The following KIAA1217 variants were observed in gnomAD, a reference collection of about 807,000 sequenced individuals.
The protein encoded by KIAA1217 is KIAA1217.
A neutral mutation model predicts 163.9 loss-of-function variants in KIAA1217; 88 were observed. The observed-to-expected ratio is 0.54, with a 90% CI of 0.45 to 0.64. KIAA1217 has a LOEUF of 0.64. Ranked by LOEUF, KIAA1217 falls within the 30% of genes least tolerant of loss-of-function variation. The pLI is 0.00. For missense variants in KIAA1217, 2,372 were observed against 2,475.0 expected (o/e 0.96, Z 0.88); for synonymous variants, 903 against 923.1 (o/e 0.98, Z 0.39).
chr10:24,534,572 C>G (rs1421520596), intron 16 of KIAA1217, among the ~76,000 whole-genome samples: 1 of 152,010 alleles, frequency 6.6e-6, no homozygotes, highest in Non-Finnish European at 1.5e-5. Context: ...ATGTCATATT[C>G]TTGGTGGTTA....
chr10:24,270,877 T>A (rs1453877554), intron 2 of KIAA1217, among the ~76,000 whole-genome samples: 1 of 152,108 alleles, frequency 6.6e-6, no homozygotes, highest in Admixed American at 6.6e-5. Flanking sequence ...TATTTGGGAG[T>A]AACTGTGGAA....
intron 1 of KIAA1217, among the ~76,000 whole-genome samples, chr10:23,920,770 G>C (rs1842821214): frequency 6.6e-6 from 1 of 152,226 alleles, no homozygotes; most frequent in African/African-American, 2.4e-5. Context: ...CAGCTGATAT[G>C]GCCTGGCTGT....
At chr10:24,087,525 C>A (rs2061740482) in intron 2 of KIAA1217, among the ~76,000 whole-genome samples, 2 of 152,192 alleles carry the variant, frequency 1.3e-5, no homozygotes, top group South Asian at 4.1e-4. Flanking sequence ...CAGGTTTTCT[C>A]TGCTCACAGA....
chr10:24,130,266 A>G (rs552162239), intron 2 of KIAA1217, among the ~76,000 whole-genome samples: 29 of 152,300 alleles, frequency 1.9e-4, no homozygotes, highest in South Asian at 1.7e-3. Context: ...CTCCTGGGCT[A>G]CTGGGTTATT....
chr10:23,820,540 A>G (rs937856132), intron 1 of KIAA1217, among the ~76,000 whole-genome samples: 3 of 152,246 alleles, frequency 2.0e-5, no homozygotes, highest in Non-Finnish European at 4.4e-5. Flanking sequence ...ATTAAACCAG[A>G]AAACATTTTT....
At chr10:24,410,530 A>T (rs114776686) in intron 3 of KIAA1217, among the ~76,000 whole-genome samples, 2,605 of 152,218 alleles carry the variant, frequency 0.017, 70 homozygotes, top group African/African-American at 0.06. Flanking sequence ...CAGTAATGAT[A>T]CCCATTTACA....
chr10:24,204,135 G>A (rs1400693474), upstream of KIAA1217, among the ~76,000 whole-genome samples: 2 of 152,228 alleles, frequency 1.3e-5, no homozygotes, highest in Admixed American at 1.3e-4. Context: ...AATTTGTGTG[G>A]AGTAGCAGGA....
chr10:24,463,900 G>A (rs1020725235), intron 5 of KIAA1217, among the ~76,000 whole-genome samples: 1 of 152,194 alleles, frequency 6.6e-6, no homozygotes, highest in Non-Finnish European at 1.5e-5. Context: ...GAAGAGGAAC[G>A]TAGTAATGGC....
At chr10:24,161,904 T>C (rs2065138283) in intron 2 of KIAA1217, among the ~76,000 whole-genome samples, 1 of 152,202 alleles carries the variant, frequency 6.6e-6, no homozygotes, top group Non-Finnish European at 1.5e-5. Context: ...GGATAAGAAA[T>C]GATACGAGCT....
chr10:24,108,783 A>G (rs937011899), intron 2 of KIAA1217, among the ~76,000 whole-genome samples: 2 of 152,204 alleles, frequency 1.3e-5, no homozygotes, highest in Admixed American at 6.5e-5. Context: ...ATAATAAATA[A>G]TGAATGATTG....
rs1012125050 is a variant in KIAA1217 at position 23,726,979 on chromosome 10, C to CTTTTTTTTTTTT, written c.-321+31760_-321+31771dup. On this transcript the variant is annotated intron_variant, in intron 1 of 18. Transcript: ENST00000376462. ...ATTTCCATGCCATTTGTATAGGCCTCTTTTTTTTTTTTTTTTTTTTTTTTT... is the reference window on the plus strand; with the variant it reads ...ATTTCCATGCCATTTGTATAGGCCTCTTTTTTTTTTTTTTTTTTTTTTTTTTTTTTTTTTTTT... 1.9e-3 allele frequency among the ~76,000 whole-genome samples: 182 copies of CTTTTTTTTTTTT among 93,414 alleles called. 24 individuals carry two copies. The highest frequency in any genetic ancestry group is 8.4e-3 in the African/African-American group (174 of 20,684). 61.3% of individuals were successfully genotyped at this position (93,414 alleles called of 152,430 possible).
At chr10:24,097,573 C>T (rs542264249) in intron 2 of KIAA1217, among the ~76,000 whole-genome samples, 11 of 150,640 alleles carry the variant, frequency 7.3e-5, no homozygotes, top group South Asian at 4.2e-4. Context: ...GAGAGGAAGG[C>T]GAAAAGAAAA....
chr10:24,201,677 C>T (rs1292815272), intron 2 of KIAA1217, among the ~76,000 whole-genome samples: 1 of 152,144 alleles, frequency 6.6e-6, no homozygotes, highest in Non-Finnish European at 1.5e-5. Context: ...CAGAAGTCCC[C>T]ACCCTGCCCT....
intron 2 of KIAA1217, among the ~76,000 whole-genome samples, chr10:24,021,406 A>T (rs1456615624): frequency 6.6e-6 from 1 of 151,958 alleles, no homozygotes; most frequent in South Asian, 2.1e-4. Flanking sequence ...TATACACATG[A>T]TCTTTATCTG....
intron 2 of KIAA1217, among the ~76,000 whole-genome samples, chr10:24,297,854 G>A (rs1000582558): frequency 2.6e-5 from 4 of 151,868 alleles, no homozygotes; most frequent in African/African-American, 4.8e-5. Context: ...TCACATCAAG[G>A]ATTTTAACTG....
intron 5 of KIAA1217, among the ~76,000 whole-genome samples, chr10:24,448,982 T>A (rs2061183385): frequency 6.6e-6 from 1 of 152,252 alleles, no homozygotes; most frequent in South Asian, 2.1e-4. Flanking sequence ...AATCCTTGCC[T>A]GTGTTCTATA....
chr10:24,112,744 C>A (rs1265209391), intron 2 of KIAA1217, among the ~76,000 whole-genome samples: 2 of 152,034 alleles, frequency 1.3e-5, no homozygotes, highest in Non-Finnish European at 2.9e-5. Flanking sequence ...GCCCCCATGC[C>A]CGGCCAATTT....
chr10:23,986,103 C>T (rs1845958160), intron 1 of KIAA1217, among the ~76,000 whole-genome samples: 1 of 152,186 alleles, frequency 6.6e-6, no homozygotes, highest in African/African-American at 2.4e-5. Flanking sequence ...CAGGATCATT[C>T]CATGGTTTTG....
At chr10:24,267,151 T>C (rs916225794) in intron 2 of KIAA1217, among the ~76,000 whole-genome samples, 1 of 152,158 alleles carries the variant, frequency 6.6e-6, no homozygotes, top group African/African-American at 2.4e-5. Context: ...AATAACGAGG[T>C]TGAATTATTT....
Sources: allele counts gnomAD v4.1 joint callset (sites outside exome capture counted in the v4.1 genomes callset), GRCh38; gene constraint gnomAD v4.1.1; transcripts MANE v1.5; gene names NCBI Gene and HGNC (gene_info 2026-07-23, HGNC 2026-07-21).